Variants in CPQ observed in about 807,000 individuals in gnomAD.
CPQ encodes carboxypeptidase Q.
A neutral mutation model predicts 45.7 loss-of-function variants in CPQ; 37 were observed. The ratio of observed to expected loss-of-function variants is 0.81; its 90% CI spans 0.62 to 1.07. CPQ has a LOEUF of 1.07. CPQ is among the 50% of genes least tolerant of loss of function. CPQ has a pLI of 0.00. For synonymous variants in CPQ, 186 were observed against 205.8 expected (o/e 0.90, Z 0.82); for missense variants, 537 against 572.9 (o/e 0.94, Z 0.64).
In CPQ at chr8:96,712,202, G is replaced by T. The variant is rs546898700; in HGVS notation, c.-35+66800G>T. Among the ~76,000 whole-genome samples the T allele has an allele frequency of 3.7e-3, 560 of 152,344 alleles. 1 individual carries two copies. The highest frequency in any genetic ancestry group is 6.6e-3 in the Non-Finnish European group (449 of 68,036). ...CATGGTCTTGGGCATCTCCACCCCT[G>T]TGACTTTGCAGGGTACAGCCCCTCT... On this transcript the variant is annotated intron_variant, in intron 1 of 7. Coordinates refer to ENST00000220763, the MANE Select transcript of CPQ (RefSeq NM_016134.4).
intron 7 of CPQ, among the ~76,000 whole-genome samples, chr8:97,123,167 TAAA>T (rs1272072390): frequency 4.4e-5 from 2 of 45,450 alleles, no homozygotes; most frequent in Non-Finnish European, 8.4e-5. Context: ...TAAAATAAAA[TAAA>T]ATAAAATATA....
chr8:96,764,118 A>G (rs530995932), intron 1 of CPQ, among the ~76,000 whole-genome samples: 1 of 152,260 alleles, frequency 6.6e-6, no homozygotes, highest in East Asian at 1.9e-4. Flanking sequence ...ATAGCCCCAA[A>G]CTGGAAGCAA....
At chr8:96,703,064 A>T (rs896525257) in intron 1 of CPQ, among the ~76,000 whole-genome samples, 7 of 152,206 alleles carry the variant, frequency 4.6e-5, no homozygotes, top group African/African-American at 1.7e-4. Flanking sequence ...TAAAAGAAGC[A>T]TACATAAAAC....
intron 4 of CPQ, among the ~76,000 whole-genome samples, chr8:96,946,433 T>C (rs1258965120): frequency 6.8e-6 from 1 of 148,034 alleles, no homozygotes; most frequent in Non-Finnish European, 1.5e-5. Context: ...TTGGGAGTGT[T>C]TACTTATTTC....
chr8:96,889,222 T>G (rs1812343210), intron 4 of CPQ, among the ~76,000 whole-genome samples: 1 of 152,214 alleles, frequency 6.6e-6, no homozygotes, highest in Non-Finnish European at 1.5e-5. Flanking sequence ...TTTAGCTTAC[T>G]CTGGCCACTG....
chr8:97,059,824 T>C (rs2130518896), intron 6 of CPQ, among the ~76,000 whole-genome samples: 1 of 152,256 alleles, frequency 6.6e-6, no homozygotes, highest in African/African-American at 2.4e-5. Flanking sequence ...CTGTAAAATA[T>C]TTACATTTAC....
intron 4 of CPQ, among the ~76,000 whole-genome samples, chr8:96,901,775 A>G (rs1586444369): frequency 6.6e-6 from 1 of 152,268 alleles, no homozygotes; most frequent in East Asian, 1.9e-4. Flanking sequence ...GTTTTTCATC[A>G]ACACTTTCCT....
At chr8:96,890,954 C>T (rs953610342) in intron 4 of CPQ, among the ~76,000 whole-genome samples, 4 of 152,182 alleles carry the variant, frequency 2.6e-5, no homozygotes, top group African/African-American at 9.7e-5. Context: ...AGATCATACA[C>T]AGCCTTCTGG....
rs1452158287 is a variant in CPQ, at chr8:97,022,981, TATA to T, written c.962-6421_962-6419del. Among the ~76,000 whole-genome samples, 24 of 147,234 alleles carry T rather than the reference TATA, an allele frequency of 1.6e-4. No homozygotes were observed. In the East Asian group the frequency reaches 4.5e-3, roughly 28 times the overall value. On this transcript the variant is annotated intron_variant, in intron 5 of 7. Coordinates refer to ENST00000220763, the MANE Select transcript of CPQ (RefSeq NM_016134.4). ...TCCAAAAACATATATATATACTGTATATAGTATATATATACAGTATATATATAC... is the reference window on the plus strand; with the variant it reads ...TCCAAAAACATATATATATACTGTATGTATATATATACAGTATATATATAC...
chr8:97,085,884 A>C (rs141042171), intron 7 of CPQ, among the ~76,000 whole-genome samples: 83 of 152,316 alleles, frequency 5.4e-4, no homozygotes, highest in Middle Eastern at 3.4e-3. Flanking sequence ...AATGTGTTGT[A>C]ATGCTTAATT....
At chr8:96,665,422 A>T (rs1396980689) in intron 1 of CPQ, among the ~76,000 whole-genome samples, 2 of 152,204 alleles carry the variant, frequency 1.3e-5, no homozygotes, top group African/African-American at 4.8e-5. Context: ...TTAATGACTG[A>T]TTGAATACGT....
intron 4 of CPQ, among the ~76,000 whole-genome samples, chr8:96,881,674 G>A: frequency 6.6e-6 from 1 of 152,184 alleles, no homozygotes; most frequent in East Asian, 1.9e-4. Context: ...CCAGGATCTT[G>A]TGAATATTAA....
At chr8:96,861,930 A>G (rs1464432215) in intron 3 of CPQ, among the ~76,000 whole-genome samples, 2 of 152,100 alleles carry the variant, frequency 1.3e-5, no homozygotes, top group Non-Finnish European at 2.9e-5. Flanking sequence ...GAAAGCACAA[A>G]CAACTCAGAG....
intron 1 of CPQ, among the ~76,000 whole-genome samples, chr8:96,675,435 G>A (rs888379561): frequency 2.0e-5 from 3 of 152,046 alleles, no homozygotes; most frequent in Non-Finnish European, 4.4e-5. Context: ...TACGTTACAT[G>A]TACCAATACA....
intron 6 of CPQ, among the ~76,000 whole-genome samples, chr8:97,043,050 T>A (rs1810160375): frequency 6.6e-6 from 1 of 151,402 alleles, no homozygotes; most frequent in Non-Finnish European, 1.5e-5. Context: ...TTGTTAACTT[T>A]CTGTCTCGTT....
chr8:96,766,890 CTG>C (rs1563491548), intron 1 of CPQ, among the ~76,000 whole-genome samples: 1 of 152,146 alleles, frequency 6.6e-6, no homozygotes, highest in African/African-American at 2.4e-5. Context: ...CTCTGTTGCT[CTG>C]TGTGTCCTTT....
chr8:96,767,848 T>A (rs921311569), intron 1 of CPQ, among the ~76,000 whole-genome samples: 1 of 151,998 alleles, frequency 6.6e-6, no homozygotes, highest in African/African-American at 2.4e-5. Flanking sequence ...TTTCACATGT[T>A]GGCCAGGCTG....
At chr8:97,076,628 G>T (rs1458472255) in intron 7 of CPQ, among the ~76,000 whole-genome samples, 1 of 152,036 alleles carries the variant, frequency 6.6e-6, no homozygotes, top group African/African-American at 2.4e-5. Flanking sequence ...GGCATCATTT[G>T]TCATGTTCCC....
At chr8:96,973,648 C>A (rs1171973386) in intron 5 of CPQ, among the ~76,000 whole-genome samples, 2 of 152,030 alleles carry the variant, frequency 1.3e-5, no homozygotes, top group African/African-American at 4.8e-5. Context: ...AAAGGGAAAA[C>A]CCCATCAGAT....
Sources: gnomAD v4.1 joint callset for allele counts (sites outside exome capture counted in the v4.1 genomes callset) on GRCh38, gnomAD v4.1.1 for gene constraint, MANE v1.5 for transcripts, NCBI Gene and HGNC (gene_info 2026-07-23, HGNC 2026-07-21) for gene names.